DGKB: variants seen among roughly 807,000 people sequenced by gnomAD.
DGKB encodes diacylglycerol kinase beta, also known as 90 kDa diacylglycerol kinase.
Under a neutral mutation model 114.3 loss-of-function variants are expected in DGKB, and 67 were observed. That is an observed-to-expected ratio of 0.59 (90% CI 0.48 to 0.72). The LOEUF is 0.72. Ranked by LOEUF, DGKB falls within the 30% of genes least tolerant of loss-of-function variation. DGKB has a pLI of 0.00. For synonymous variants in DGKB, 398 were observed against 323.1 expected (o/e 1.23, Z -2.49); for missense variants, 907 against 975.2 (o/e 0.93, Z 0.93).
chr7:14,328,556 A>G (rs955090901), intron 23 of DGKB, among the ~76,000 whole-genome samples: 14 of 152,028 alleles, frequency 9.2e-5, no homozygotes, highest in African/African-American at 3.4e-4. Flanking sequence ...AATATAATAT[A>G]ATTATTCTCT....
intron 2 of DGKB, among the ~76,000 whole-genome samples, chr7:14,787,140 G>A (rs986419778): frequency 2.0e-5 from 3 of 152,140 alleles, no homozygotes; most frequent in Admixed American, 6.6e-5. Flanking sequence ...CCAGTTATCT[G>A]CACACCTCAT....
intron 21 of DGKB, among the ~76,000 whole-genome samples, chr7:14,477,503 T>G (rs961670885): frequency 6.6e-6 from 1 of 151,614 alleles, no homozygotes; most frequent in South Asian, 2.1e-4. Flanking sequence ...TCTAGGGGAG[T>G]GAGGTGGAGA....
chr7:14,163,538 C>A (rs951102367), intron 25 of DGKB, among the ~76,000 whole-genome samples: 4 of 152,102 alleles, frequency 2.6e-5, no homozygotes, highest in African/African-American at 4.8e-5. Context: ...TAAAAAGGTG[C>A]TTTTAGTTTA....
intron 23 of DGKB, among the ~76,000 whole-genome samples, chr7:14,186,564 C>T (rs533625899): frequency 7.2e-4 from 110 of 152,320 alleles, no homozygotes; most frequent in Non-Finnish European, 7.6e-4. Context: ...AAGATACTTG[C>T]ACATGCATGT....
intron 13 of DGKB, among the ~76,000 whole-genome samples, chr7:14,637,994 A>G (rs1362483425): frequency 6.6e-6 from 1 of 152,118 alleles, no homozygotes; most frequent in Non-Finnish European, 1.5e-5. Context: ...AACACAAAGA[A>G]GAATGATTAT....
At chr7:14,630,347 T>A in intron 13 of DGKB, 79 bp from the exon 14 acceptor site, 1 of 988,266 alleles carries the variant, frequency 1.0e-6, no homozygotes, top group Non-Finnish European at 1.5e-6. Flanking sequence ...CTCATATCAT[T>A]ACATGCCTGT....
chr7:14,777,651 A>G (rs1487486021), intron 2 of DGKB, among the ~76,000 whole-genome samples: 1 of 152,158 alleles, frequency 6.6e-6, no homozygotes, highest in Non-Finnish European at 1.5e-5. Context: ...TTCCCTAGCC[A>G]GGCTGAACTG....
chr7:14,759,377 A>G (rs369107928), intron 2 of DGKB, among the ~76,000 whole-genome samples: 1 of 152,170 alleles, frequency 6.6e-6, no homozygotes, highest in African/African-American at 2.4e-5. Context: ...ATCACCCTGT[A>G]AAGAAACCTT....
intron 8 of DGKB, among the ~76,000 whole-genome samples, chr7:14,695,495 T>TCTCTCTCTC (rs1491095073): frequency 3.4e-5 from 2 of 59,602 alleles, no homozygotes; most frequent in African/African-American, 1.5e-4. Context: ...TCTCTCTCTC[T>TCTCTCTCTC]TTTTTTTTTT....
chr7:14,273,496 C>A lies in DGKB; in HGVS notation c.2122+65019G>T, dbSNP rs189055102. On this transcript the variant is annotated intron_variant, in intron 23 of 25. Coordinates refer to ENST00000402815, the MANE Select transcript of DGKB (RefSeq NM_001350709.2). ...AGTTTATGGATTCAGGGTCATTGTT[C>A]TATAGTCAGAGCCAAGATATTTATA... 7.9e-5 allele frequency among the ~76,000 whole-genome samples: 12 copies of A among 152,268 alleles called. No homozygotes were observed. The East Asian group carries it at 2.3e-3, about 29-fold the overall frequency.
intron 1 of DGKB, among the ~76,000 whole-genome samples, chr7:14,849,101 A>G (rs1849010103): frequency 6.6e-6 from 1 of 152,084 alleles, no homozygotes; most frequent in African/African-American, 2.4e-5. Context: ...GCACACTTAA[A>G]ATTGATAATT....
At chr7:14,719,691 T>C (rs1459191638) in intron 5 of DGKB, among the ~76,000 whole-genome samples, 1 of 152,152 alleles carries the variant, frequency 6.6e-6, no homozygotes, top group East Asian at 1.9e-4. Flanking sequence ...TTTCAATTTG[T>C]AACTTTCCAT....
rs71548072 is a variant in DGKB, at chr7:14,228,884, C to CTGTGTGTGTGTGTGTGTGTGTG, written c.2123-50755_2123-50734dup. 2.3e-3 allele frequency among the ~76,000 whole-genome samples: 346 copies of CTGTGTGTGTGTGTGTGTGTGTG among 148,738 alleles called. 3 individuals are homozygous for CTGTGTGTGTGTGTGTGTGTGTG. The highest frequency in any genetic ancestry group is 6.4e-3 in the South Asian group (30 of 4,716). ...CAACTACCTAGCATCAGTTTTTTTT[C>CTGTGTGTGTGTGTGTGTGTGTG]TGTGTGTGTGTGTGTGTGTGTGTTC... On this transcript the variant is annotated intron_variant, in intron 23 of 25. Coordinates refer to ENST00000402815, the MANE Select transcript of DGKB (RefSeq NM_001350709.2).
intron 20 of DGKB, among the ~76,000 whole-genome samples, chr7:14,555,285 G>A (rs1023000758): frequency 6.6e-6 from 1 of 151,942 alleles, no homozygotes; most frequent in Non-Finnish European, 1.5e-5. Flanking sequence ...CTTTGTTTTT[G>A]TCTAACTTTA....
intron 1 of DGKB, among the ~76,000 whole-genome samples, chr7:14,901,606 C>CCA (rs1175984673): frequency 2.5e-5 from 2 of 78,548 alleles, no homozygotes; most frequent in African/African-American, 4.8e-5. Context: ...GGGATTTCCA[C>CCA]CCCCCCCCAC....
intron 23 of DGKB, among the ~76,000 whole-genome samples, chr7:14,183,581 A>G (rs1782954110): frequency 6.6e-6 from 1 of 152,196 alleles, no homozygotes; most frequent in Non-Finnish European, 1.5e-5. Flanking sequence ...TAAGGGATTT[A>G]TAGGCATTTT....
chr7:14,562,501 C>T (rs570159469), intron 20 of DGKB, among the ~76,000 whole-genome samples: 1 of 152,242 alleles, frequency 6.6e-6, no homozygotes, highest in African/African-American at 2.4e-5. Context: ...TGAAAGCAGC[C>T]AGGAGGGAAG....
chr7:14,659,391 A>G (rs1301591436), intron 13 of DGKB, among the ~76,000 whole-genome samples: 2 of 151,942 alleles, frequency 1.3e-5, no homozygotes, highest in Non-Finnish European at 2.9e-5. Context: ...ATTTGTTTGT[A>G]TCCTCTTTTA....
At chr7:14,740,080 G>C (rs1832353596) in intron 4 of DGKB, among the ~76,000 whole-genome samples, 1 of 152,242 alleles carries the variant, frequency 6.6e-6, no homozygotes, top group South Asian at 2.1e-4. Context: ...GAGGCCCCGT[G>C]CAGACAGCTG....
Sources: allele counts gnomAD v4.1 joint callset (sites outside exome capture counted in the v4.1 genomes callset), GRCh38; gene constraint gnomAD v4.1.1; transcripts MANE v1.5; gene names NCBI Gene and HGNC (gene_info 2026-07-23, HGNC 2026-07-21).